CPNE4: variants seen among roughly 807,000 people sequenced by gnomAD.
CPNE4 encodes the protein copine 4, also known as copine-4.
CPNE4 carries 25 observed loss-of-function variants against 67.9 expected under a neutral mutation model. The ratio of observed to expected loss-of-function variants is 0.37; its 90% CI spans 0.27 to 0.51. The LOEUF (loss-of-function observed/expected upper bound fraction) is 0.51. Ranked by LOEUF, CPNE4 falls within the 20% of genes least tolerant of loss-of-function variation. The pLI is 0.93. For missense variants in CPNE4, 464 were observed against 690.8 expected (o/e 0.67, Z 3.68); for synonymous variants, 242 against 244.9 (o/e 0.99, Z 0.11).
At chr3:131,978,484 ATT>A (rs1392106456) in intron 1 of CPNE4, among the ~76,000 whole-genome samples, 5 of 66,342 alleles carry the variant, frequency 7.5e-5, no homozygotes, top group African/African-American at 1.4e-4. Context: ...ATTTATATAT[ATT>A]TATATATATT....
chr3:131,926,252 G>A (rs1351429994), intron 1 of CPNE4, among the ~76,000 whole-genome samples: 1 of 152,092 alleles, frequency 6.6e-6, no homozygotes, highest in Non-Finnish European at 1.5e-5. Flanking sequence ...GGGATGGAGA[G>A]AAACTTTTAA....
intron 7 of CPNE4, among the ~76,000 whole-genome samples, chr3:131,619,040 G>A (rs1249676725): frequency 6.6e-6 from 1 of 152,258 alleles, no homozygotes; most frequent in African/African-American, 2.4e-5. Context: ...CCATAGAGTA[G>A]GAGGAAAATG....
At chr3:131,752,655 A>G (rs1414067604) in intron 2 of CPNE4, among the ~76,000 whole-genome samples, 1 of 152,190 alleles carries the variant, frequency 6.6e-6, no homozygotes, top group Non-Finnish European at 1.5e-5. Context: ...GGAAAAGTAC[A>G]TGTATTCCAT....
chr3:131,669,005 A>T (rs1251026624), intron 7 of CPNE4, among the ~76,000 whole-genome samples: 1 of 151,936 alleles, frequency 6.6e-6, no homozygotes, highest in Admixed American at 6.5e-5. Context: ...GGAGGAAGTG[A>T]CCTGTGTGAG....
chr3:131,917,936 T>C (rs1225061), intron 1 of CPNE4, among the ~76,000 whole-genome samples: 61,405 of 151,928 alleles, frequency 0.4, 12,892 homozygotes, highest in African/African-American at 0.52. Context: ...CCAGGGTGGG[T>C]AGAGAGAGAC....
chr3:131,907,501 GACACAC>G (rs3041560), intron 1 of CPNE4, among the ~76,000 whole-genome samples: 5 of 151,186 alleles, frequency 3.3e-5, no homozygotes, highest in African/African-American at 1.2e-4. Flanking sequence ...GCATCACACA[GACACAC>G]ACACACACAC....
rs113085615 is a variant in CPNE4 at position 131,984,317 on chromosome 3, G to A, written c.-2+50250C>T. Reference sequence around the variant, plus strand: ...AGAATTTAATGGTTACAACAGTACCGTTTCCCATTATTAAAAGTAAAACTG... The same window carrying A: ...AGAATTTAATGGTTACAACAGTACCATTTCCCATTATTAAAAGTAAAACTG... On this transcript the variant is annotated intron_variant, in intron 1 of 15. Coordinates refer to ENST00000429747, the MANE Select transcript of CPNE4 (RefSeq NM_130808.3). Among the ~76,000 whole-genome samples, 164 of 152,198 alleles carry A rather than the reference G, an allele frequency of 1.1e-3. No homozygotes were observed. The Middle Eastern group carries it at 0.02, about 19-fold the overall frequency.
intron 3 of CPNE4, among the ~76,000 whole-genome samples, chr3:131,722,442 T>TC (rs2081910318): frequency 2.5e-5 from 3 of 121,164 alleles, no homozygotes; most frequent in African/African-American, 5.7e-5. Context: ...TCCCACCCCA[T>TC]ACCCCCCCAC....
intron 7 of CPNE4, among the ~76,000 whole-genome samples, chr3:131,632,119 C>T (rs919132472): frequency 1.3e-5 from 2 of 151,458 alleles, no homozygotes; most frequent in Non-Finnish European, 2.9e-5. Flanking sequence ...AAGTGATTCT[C>T]CTGCCTCAGC....
At chr3:131,728,132 T>C (rs1335841694) in intron 2 of CPNE4, among the ~76,000 whole-genome samples, 2 of 152,216 alleles carry the variant, frequency 1.3e-5, no homozygotes, top group African/African-American at 4.8e-5. Flanking sequence ...TGGTCTCTCA[T>C]TGTGGTTTTA....
At chr3:131,638,126 GA>G (rs199878117) in intron 7 of CPNE4, among the ~76,000 whole-genome samples, 64 of 148,524 alleles carry the variant, frequency 4.3e-4, no homozygotes, top group African/African-American at 1.3e-3. Flanking sequence ...ATAACACAAT[GA>G]AAAAAAAACC....
chr3:131,650,861 G>C (rs894900706), intron 7 of CPNE4, among the ~76,000 whole-genome samples: 1 of 151,738 alleles, frequency 6.6e-6, no homozygotes, highest in African/African-American at 2.4e-5. Context: ...CTACATTGAA[G>C]GGTGCTTTTA....
At chr3:132,008,845 A>G (rs537138579) in intron 1 of CPNE4, among the ~76,000 whole-genome samples, 1 of 150,148 alleles carries the variant, frequency 6.7e-6, no homozygotes, top group East Asian at 1.9e-4. Flanking sequence ...CACTCTAAGC[A>G]TTATTATAAA....
rs1363375603 is a variant in CPNE4 at position 131,754,247 on chromosome 3, A to G, written c.181-30622T>C. 3.3e-5 allele frequency among the ~76,000 whole-genome samples: 5 copies of G among 152,132 alleles called. No homozygotes were observed. The East Asian group carries it at 9.6e-4, about 29-fold the overall frequency. ...TGTCCATATTATTTTGTGTGTCAAT[A>G]TCTATATAAGATTACATGGGCAAAG... On this transcript the variant is annotated intron_variant, in intron 2 of 15. Transcript: ENST00000429747.
In CPNE4 at chr3:131,955,410, GTTTTTTT is replaced by G. The variant is rs766033406; in HGVS notation, c.-1-49973_-1-49967del. 5.4e-3 allele frequency among the ~76,000 whole-genome samples: 229 copies of G among 42,280 alleles called. 3 individuals are homozygous for G. Among genetic ancestry groups the G allele is most frequent in the African/African-American group, 0.02 (218 of 10,822 alleles). The allele number at this position is 42,280 out of a possible 152,430, so 27.7% of individuals were successfully genotyped here. On this transcript the variant is annotated intron_variant, in intron 1 of 15. Coordinates refer to ENST00000429747, the MANE Select transcript of CPNE4 (RefSeq NM_130808.3). Reference sequence around the variant, plus strand: ...TTTTCTGTGTGGTATTGTATGTAAGGTTTTTTTTTTTTTTTTTTTTTTTTGTATGCTT... The same window carrying G: ...TTTTCTGTGTGGTATTGTATGTAAGGTTTTTTTTTTTTTTTTTGTATGCTT...
intron 1 of CPNE4, among the ~76,000 whole-genome samples, chr3:131,977,105 A>G (rs2072679784): frequency 2.0e-5 from 3 of 152,084 alleles, no homozygotes; most frequent in Admixed American, 2.0e-4. Flanking sequence ...CAGCCACATT[A>G]TCATTCTTAA....
At chr3:131,753,280 C>G (rs2082675125) in intron 2 of CPNE4, among the ~76,000 whole-genome samples, 1 of 151,372 alleles carries the variant, frequency 6.6e-6, no homozygotes. Flanking sequence ...GTCTAGAGAC[C>G]GTAAATTCTC....
At chr3:131,961,929 C>G (rs2072193488) in intron 1 of CPNE4, among the ~76,000 whole-genome samples, 1 of 152,214 alleles carries the variant, frequency 6.6e-6, no homozygotes, top group Non-Finnish European at 1.5e-5. Flanking sequence ...CATACCCATT[C>G]TACTTCCAAA....
At chr3:131,582,287 T>A (rs1471195869) in intron 8 of CPNE4, among the ~76,000 whole-genome samples, 1 of 152,186 alleles carries the variant, frequency 6.6e-6, no homozygotes, top group Non-Finnish European at 1.5e-5. Flanking sequence ...AGGGGCCTTT[T>A]TGAAGGATAA....
Sources: allele counts gnomAD v4.1 joint callset (sites outside exome capture counted in the v4.1 genomes callset), GRCh38; gene constraint gnomAD v4.1.1; transcripts MANE v1.5; gene names NCBI Gene and HGNC (gene_info 2026-07-23, HGNC 2026-07-21).